The following EDARADD variants were observed in gnomAD, a reference collection of about 807,000 sequenced individuals.
EDARADD encodes ectodysplasin-A receptor-associated adapter protein.
EDARADD carries 20 observed loss-of-function variants against 25.6 expected under a neutral mutation model. The observed-to-expected ratio is 0.78, with a 90% CI of 0.55 to 1.14. EDARADD has a LOEUF of 1.14. Among genes scored for constraint, EDARADD ranks in the 50% most tolerant of loss-of-function variants. The pLI is 0.00. For missense variants in EDARADD, 225 were observed against 270.1 expected, an observed-to-expected ratio of 0.83 and a Z score of 1.17; for synonymous variants, 86 against 94.4, an observed-to-expected ratio of 0.91 and a Z score of 0.52.
intron 3 of EDARADD, among the ~76,000 whole-genome samples, chr1:236,422,318 TG>T (rs1228766189): frequency 6.6e-6 from 1 of 152,208 alleles, no homozygotes; most frequent in African/African-American, 2.4e-5. Flanking sequence ...AGACTGGAAA[TG>T]TTCTGCTGAA....
chr1:236,360,629 T>TCCA (rs1295688205), intron 3 of EDARADD, among the ~76,000 whole-genome samples: 1 of 143,824 alleles, frequency 7.0e-6, no homozygotes, highest in African/African-American at 2.6e-5. Flanking sequence ...CACTGTAACC[T>TCCA]CCACCTCCCA....
intron 1 of EDARADD, among the ~76,000 whole-genome samples, chr1:236,406,072 A>C (rs1667734266): frequency 6.6e-6 from 1 of 151,188 alleles, no homozygotes; most frequent in African/African-American, 2.4e-5. Context: ...CCACACTCCA[A>C]ACCCATTTAC....
chr1:236,372,972 G>C lies in EDARADD; in HGVS notation c.-6+22133G>C, dbSNP rs573425099. Among the ~76,000 whole-genome samples the C allele has an allele frequency of 4.9e-5, 7 of 142,926 alleles. No homozygotes were observed. The South Asian group carries it at 1.6e-3, about 33-fold the overall frequency. 93.8% of individuals were successfully genotyped at this position (142,926 alleles called of 152,430 possible). The stretch of plus-strand genomic sequence containing the variant: ...TCTCTGTTACCCAGGCTGGAGTGCA[G>C]TGGTGCGATCTCGGCTCACTGCAAG... On this transcript the variant is annotated intron_variant, in intron 3 of 7. Coordinates refer to the EDARADD transcript ENST00000439430.
In EDARADD at chr1:236,468,150, A is replaced by T. The variant is rs1468807743; in HGVS notation, c.220-81A>T. 1.0e-5 allele frequency: 15 copies of T among 1,460,930 alleles called. No individual in the cohort carries two copies. The South Asian group carries it at 1.7e-4, about 17-fold the overall frequency. The allele number at this position is 1,460,930 out of a possible 1,614,324, so 90.5% of individuals were successfully genotyped here. A position where few individuals can be genotyped will look rare whatever the true frequency, so the allele number is the denominator to read the frequency against. ...CCCAGCCCCCAGGGTTTTGGTGGAA[A>T]TTTAACTAAGTTGGAAGATTGATAA... On this transcript the variant is annotated intron_variant, in intron 4 of 5. Coordinates refer to ENST00000334232, the MANE Select transcript of EDARADD (RefSeq NM_145861.4).
At chr1:236,367,225 A>ATTTAT (rs71176499) in intron 3 of EDARADD, among the ~76,000 whole-genome samples, 50,078 of 148,224 alleles carry the variant, frequency 0.34, 8,702 homozygotes, top group African/African-American at 0.42. Context: ...TAAGTGTTTT[A>ATTTAT]TTTATTTTAT....
chr1:236,436,517 C>T (rs1658256420), intron 4 of EDARADD, among the ~76,000 whole-genome samples: 1 of 145,338 alleles, frequency 6.9e-6, no homozygotes, highest in Admixed American at 7.3e-5. Context: ...GTCCCAGCTG[C>T]TTGGGAGGCT....
At position 236,395,624 on chromosome 1, in the gene EDARADD, G is replaced by T; in HGVS notation, c.61+1119G>T. The T allele has an allele frequency of 1.3e-6, 2 of 1,569,668 alleles. No individual in the cohort carries two copies. ...TCGGACGCTCGTTTGCCCCTAACCC[G>T]CCGCCATGGCTTCACCGGACGACCC... On this transcript the variant is annotated intron_variant, in intron 1 of 5. Transcript: ENST00000334232. The surrounding 1 kb of genome is among the most constrained non-coding windows in gnomAD (Gnocchi z 6.9).
intron 4 of EDARADD, among the ~76,000 whole-genome samples, chr1:236,450,401 A>G (rs1658678770): frequency 6.6e-6 from 1 of 152,034 alleles, no homozygotes; most frequent in Non-Finnish European, 1.5e-5. Flanking sequence ...CTGTATAGAC[A>G]ATGGAATGTC....
chr1:236,430,773 C>T (rs567818005), intron 4 of EDARADD, among the ~76,000 whole-genome samples: 2 of 152,218 alleles, frequency 1.3e-5, no homozygotes, highest in African/African-American at 2.4e-5. Flanking sequence ...CAGGGAGAAA[C>T]GTTTAAAAGA....
chr1:236,389,450 C>T (rs903857404), upstream of EDARADD, among the ~76,000 whole-genome samples: 3 of 152,082 alleles, frequency 2.0e-5, no homozygotes, highest in Non-Finnish European at 4.4e-5. Context: ...AAGTAAACTG[C>T]AAGTAGACAA....
chr1:236,437,938 G>A (rs1571934813), intron 4 of EDARADD, among the ~76,000 whole-genome samples: 1 of 151,972 alleles, frequency 6.6e-6, no homozygotes, highest in East Asian at 1.9e-4. Context: ...TGTAGAGACG[G>A]GGTTTCACCC....
At chr1:236,476,802 G>A (rs1405725043) in intron 5 of EDARADD, among the ~76,000 whole-genome samples, 1 of 152,084 alleles carries the variant, frequency 6.6e-6, no homozygotes, top group Non-Finnish European at 1.5e-5. Context: ...TGGGATTACA[G>A]GCGTGAGCCA....
chr1:236,464,423 C>CTTTTTTT (rs35064410), intron 4 of EDARADD, among the ~76,000 whole-genome samples: 4 of 72,982 alleles, frequency 5.5e-5, no homozygotes, highest in African/African-American at 9.5e-5. Flanking sequence ...CTTGCTGCAA[C>CTTTTTTT]TTTTTTTTTT....
chr1:236,362,408 T>C (rs1178954905), intron 3 of EDARADD, among the ~76,000 whole-genome samples: 1 of 152,232 alleles, frequency 6.6e-6, no homozygotes, highest in Non-Finnish European at 1.5e-5. Flanking sequence ...TGTTTTCTTA[T>C]TGTCAAGTTT....
chr1:236,425,861 G>C (rs1208951859), intron 3 of EDARADD, among the ~76,000 whole-genome samples: 1 of 152,222 alleles, frequency 6.6e-6, no homozygotes, highest in African/African-American at 2.4e-5. Flanking sequence ...TGGTATTAGT[G>C]AAGTTGGTTA....
intron 3 of EDARADD, among the ~76,000 whole-genome samples, chr1:236,378,228 G>A (rs1667249053): frequency 6.6e-6 from 1 of 152,206 alleles, no homozygotes; most frequent in Non-Finnish European, 1.5e-5. Flanking sequence ...AAGAAGAATA[G>A]AATGCTCTGG....
At chr1:236,467,427 C>T (rs1659231173) in intron 4 of EDARADD, among the ~76,000 whole-genome samples, 1 of 80,908 alleles carries the variant, frequency 1.2e-5, no homozygotes, top group African/African-American at 3.5e-5. Flanking sequence ...CACACACGCG[C>T]ACACACACAC....
At chr1:236,404,363 G>GTACA (rs1442661269) in intron 1 of EDARADD, among the ~76,000 whole-genome samples, 1 of 152,068 alleles carries the variant, frequency 6.6e-6, no homozygotes, top group African/African-American at 2.4e-5. Flanking sequence ...AACTTCCCTG[G>GTACA]TACACACTCA....
At position 236,379,713 on chromosome 1, in the gene EDARADD, G is replaced by A. The variant is rs190046597; in HGVS notation, c.-6+28874G>A. Among the ~76,000 whole-genome samples the A allele has an allele frequency of 3.5e-3, 534 of 152,116 alleles. 7 individuals carry two copies. The highest frequency in any genetic ancestry group is 0.031 in the Admixed American group (466 of 15,264). The stretch of plus-strand genomic sequence containing the variant: ...AGAATCACTTGAACCCCGGGGGGTG[G>A]AGGCTGCAGTGAGCCAAGATGGTGC... On this transcript the variant is annotated intron_variant, in intron 3 of 7. Coordinates refer to the EDARADD transcript ENST00000439430.
Sources: gnomAD v4.1 joint callset for allele counts (sites outside exome capture counted in the v4.1 genomes callset) on GRCh38, gnomAD v4.1.1 for gene constraint, Gnocchi (gnomAD v3.1) non-coding constraint, MANE v1.5 for transcripts, NCBI Gene and HGNC (gene_info 2026-07-23, HGNC 2026-07-21) for gene names.